MAFA: variants seen among roughly 807,000 people sequenced by gnomAD.
MAFA encodes MAF bZIP transcription factor A, also known as transcription factor MafA.
For missense variants in MAFA, 547 were observed against 538.0 expected (o/e 1.02, Z -0.16); for synonymous variants, 244 against 260.3 (o/e 0.94, Z 0.60).
Position 143,430,482 on chromosome 8 carries a change from C to G in MAFA, c.-76G>C, listed in dbSNP as rs527268579. ...GGGGGAGCTGCAGGCCTCTCCCCCCCCTGCTCCCCGCGGGCGGCGGTCCCG... is the reference window on the plus strand; with the variant it reads ...GGGGGAGCTGCAGGCCTCTCCCCCCGCTGCTCCCCGCGGGCGGCGGTCCCG... On this transcript the variant is annotated 5_prime_UTR_variant, in exon 1 of 1. Transcript: ENST00000333480. The G allele has an allele frequency of 8.1e-5, 32 of 392,892 alleles. No homozygotes were observed. Among genetic ancestry groups the G allele is most frequent in the South Asian group, 6.9e-4 (6 of 8,752 alleles). The allele number at this position is 392,892 out of a possible 1,614,324, so 24.3% of individuals were successfully genotyped here.
Position 143,428,958 on chromosome 8 carries a change from A to C in MAFA, c.*387T>G. On this transcript the variant is annotated 3_prime_UTR_variant, in exon 1 of 1. Coordinates refer to ENST00000333480, the MANE Select transcript of MAFA (RefSeq NM_201589.4). The stretch of plus-strand genomic sequence containing the variant: ...CAAGGAAAGGGAGGCTGAGAAGAGA[A>C]CGAAGGAGGGCGGGGGCAGGCAGGG... 1 of 167,814 alleles carries C rather than the reference A, an allele frequency of 6.0e-6. No homozygotes were observed. Among genetic ancestry groups the C allele is most frequent in the Non-Finnish European group, 1.3e-5 (1 of 79,266 alleles). 10.4% of individuals were successfully genotyped at this position (167,814 alleles called of 1,614,324 possible).
In MAFA at chr8:143,428,501, T is replaced by C. The variant is rs941301021; in HGVS notation, c.*844A>G. ...AGAAATACTGTGCATTACTTTTTTC[T>C]TTCACTTCTCTTGAAGGTTAAAACA... On this transcript the variant is annotated 3_prime_UTR_variant, in exon 1 of 1. Coordinates refer to ENST00000333480, the MANE Select transcript of MAFA (RefSeq NM_201589.4). 1 of 152,260 alleles carries C rather than the reference T, an allele frequency of 6.6e-6. No homozygotes were observed. Among genetic ancestry groups the C allele is most frequent in the African/African-American group, 2.4e-5 (1 of 41,468 alleles). The allele number at this position is 152,260 out of a possible 1,614,324, so 9.4% of individuals were successfully genotyped here.
In MAFA at chr8:143,430,158, G is replaced by T; in HGVS notation, c.249C>A (p.Gly83=). ...CCCCGGCCTGAGACGAGCCGCCGCC[G>T]CCCCCCGCGCCGCCGCCGCCGCCGG... The part of the protein sequence containing the change: ...PGTGGGGGAG[G]GGGSSQAGGA... The change falls in exon 1 of 1, where the codon GGC becomes GGA. Residue 83 remains glycine, a synonymous_variant. Coordinates refer to ENST00000333480, the MANE Select transcript of MAFA (RefSeq NM_201589.4). 1 of 1,101,546 alleles carries T rather than the reference G, an allele frequency of 9.1e-7. No homozygotes were observed. Among genetic ancestry groups the T allele is most frequent in the Non-Finnish European group, 1.1e-6 (1 of 908,748 alleles). The allele number at this position is 1,101,546 out of a possible 1,614,324, so 68.2% of individuals were successfully genotyped here.
rs1229181863 is a variant in MAFA at position 143,429,367 on chromosome 8, C to T, written c.1040G>A (p.Gly347Asp). ...PPQAGPGGAK[G>D]TADFFL is the part of the protein sequence containing the mutation. ...CGCCTACAGGAAGAAGTCGGCCGTGCCCTTGGCCCCGCCGGGACCGGCCTG... is the reference window on the plus strand; with the variant it reads ...CGCCTACAGGAAGAAGTCGGCCGTGTCCTTGGCCCCGCCGGGACCGGCCTG... Residue 347 changes from glycine to aspartate, a missense_variant, in exon 1 of 1, where the codon GGC becomes GAC. Transcript: ENST00000333480. The surrounding 1 kb of genome is among the most constrained non-coding windows in gnomAD (Gnocchi z 5.9). 1.4e-6 allele frequency: 2 copies of T among 1,397,478 alleles called. No homozygotes were observed. Among genetic ancestry groups the T allele is most frequent in the Non-Finnish European group, 1.8e-6 (2 of 1,086,590 alleles). The allele number at this position is 1,397,478 out of a possible 1,614,324, so 86.6% of individuals were successfully genotyped here.
At position 143,429,782 on chromosome 8, in the gene MAFA, CATGGTG is replaced by C. The variant is rs1563824907; in HGVS notation, c.619_624del (p.His207_His208del). The stretch of plus-strand genomic sequence containing the variant: ...GCGCCACCGCCGTGTCCCGCGCCGC[CATGGTG>C]GTGGTGGTGGTGGTGGTGGTGGTGG... On this transcript the variant is annotated inframe_deletion, in exon 1 of 1. Transcript: ENST00000333480. The surrounding 1 kb of genome is among the most constrained non-coding windows in gnomAD (Gnocchi z 5.9). 8.4e-6 allele frequency: 12 copies of C among 1,430,380 alleles called. No homozygotes were observed. Among genetic ancestry groups the C allele is most frequent in the Non-Finnish European group, 1.0e-5 (11 of 1,099,156 alleles). The allele number at this position is 1,430,380 out of a possible 1,614,324, so 88.6% of individuals were successfully genotyped here. A position where few individuals can be genotyped will look rare whatever the true frequency, so the allele number is the denominator to read the frequency against.
Position 143,429,473 on chromosome 8 carries a change from C to T in MAFA, c.934G>A (p.Glu312Lys). 1 of 1,601,734 alleles carries T rather than the reference C, an allele frequency of 6.2e-7. No homozygotes were observed. Among genetic ancestry groups the T allele is most frequent in the Non-Finnish European group, 8.5e-7 (1 of 1,178,662 alleles). The change falls in exon 1 of 1, where the codon GAG becomes AAG. Residue 312 changes from glutamate to lysine, a missense_variant. Physicochemically the swap from Glu to Lys is moderately conservative, Grantham distance 56. Transcript: ENST00000333480. This position sits in a 1 kb window ranked among gnomAD's most constrained non-coding sequence, Gnocchi z 5.9. ...CGGCCCGCCAGCTTCTCGTATTTCT[C>T]CTTGTACAGGTCCCGCTCTTTGGCC... ...RLAKERDLYK[E>K]KYEKLAGRGG...
Position 143,428,874 on chromosome 8 carries a change from A to G in MAFA, c.*471T>C, listed in dbSNP as rs963491776. 7.2e-5 allele frequency: 11 copies of G among 152,538 alleles called. No homozygotes were observed. The highest frequency in any genetic ancestry group is 2.7e-4 in the African/African-American group (11 of 41,430). 9.4% of individuals were successfully genotyped at this position (152,538 alleles called of 1,614,324 possible). On this transcript the variant is annotated 3_prime_UTR_variant, in exon 1 of 1. Coordinates refer to ENST00000333480, the MANE Select transcript of MAFA (RefSeq NM_201589.4). ...TCTTTTCTAATCACCAAGCATAATAATTATAAATACTTCGAAAATAAGACC... is the reference window on the plus strand; with the variant it reads ...TCTTTTCTAATCACCAAGCATAATAGTTATAAATACTTCGAAAATAAGACC...
rs544512339 is a variant in MAFA at position 143,430,302 on chromosome 8, A to G, written c.105T>C (p.Pro35=). The change falls in exon 1 of 1, where the codon CCT becomes CCC. Residue 35 remains proline, a synonymous_variant. Coordinates refer to ENST00000333480, the MANE Select transcript of MAFA (RefSeq NM_201589.4). ...DLMKFEVKKE[P]PEAERFCHRL... ...GGTGGCAGAAGCGCTCGGCCTCGGGAGGCTCCTTCTTCACCTCGAACTTCA... is the reference window on the plus strand; with the variant it reads ...GGTGGCAGAAGCGCTCGGCCTCGGGGGGCTCCTTCTTCACCTCGAACTTCA... The G allele has an allele frequency of 1.4e-6, 2 of 1,447,716 alleles. No homozygotes were observed. The highest frequency in any genetic ancestry group is 1.2e-5 in the South Asian group (1 of 80,974). 89.7% of individuals were successfully genotyped at this position (1,447,716 alleles called of 1,614,324 possible).
rs139769401 is a variant in MAFA, at chr8:143,428,190, C to T, written c.*1155G>A. ...CAACGAGTCGGCGCGCCTTCCACTC[C>T]GAGTGCTCAGGGGAGGGGTGTGGAG... is the stretch of plus-strand genomic sequence containing the variant. On this transcript the variant is annotated 3_prime_UTR_variant, in exon 1 of 1. Coordinates refer to ENST00000333480, the MANE Select transcript of MAFA (RefSeq NM_201589.4). 23 of 152,318 alleles carry T rather than the reference C, an allele frequency of 1.5e-4. No individual in the cohort carries two copies. Among genetic ancestry groups the T allele is most frequent in the African/African-American group, 5.1e-4 (21 of 41,570 alleles). The allele number at this position is 152,318 out of a possible 1,614,324, so 9.4% of individuals were successfully genotyped here. A position where few individuals can be genotyped will look rare whatever the true frequency, so the allele number is the denominator to read the frequency against.
Position 143,429,938 on chromosome 8 carries a change from G to GGTGGTGCGCGCC in MAFA, c.457_468dup (p.Gly153_His156dup), listed in dbSNP as rs537082716. The GGTGGTGCGCGCC allele has an allele frequency of 9.5e-6, 12 of 1,261,608 alleles. No individual in the cohort carries two copies. The highest frequency in any genetic ancestry group is 3.4e-5 in the East Asian group (1 of 29,208). The allele number at this position is 1,261,608 out of a possible 1,614,324, so 78.2% of individuals were successfully genotyped here. ...GCCTCGTAGGCTGCGGCGGCCGCCG[G>GGTGGTGCGCGCC]GTGGTGCGCGCCGTGGTGCGCGCCG... is the stretch of plus-strand genomic sequence containing the variant. On this transcript the variant is annotated inframe_insertion, in exon 1 of 1. Transcript: ENST00000333480. This position sits in a 1 kb window ranked among gnomAD's most constrained non-coding sequence, Gnocchi z 5.9.
In MAFA at chr8:143,430,038, C is replaced by G; in HGVS notation, c.369G>C (p.Gln123His). The change falls in exon 1 of 1, where the codon CAG becomes CAC. Residue 123 changes from glutamine (Q) to histidine (H), a missense_variant. Coordinates refer to ENST00000333480, the MANE Select transcript of MAFA (RefSeq NM_201589.4). Reference sequence around the variant, plus strand: ...TGAGCGCCTCGGGGTTGAGGTGATGCTGGTAGCCGCTCATCCAGTACAGAT... The same window carrying G: ...TGAGCGCCTCGGGGTTGAGGTGATGGTGGTAGCCGCTCATCCAGTACAGAT... Reference protein sequence around the residue: ...LEDLYWMSGYQHHLNPEALNL... With the variant: ...LEDLYWMSGYHHHLNPEALNL... 2.2e-6 allele frequency: 3 copies of G among 1,365,826 alleles called. No individual in the cohort carries two copies. Among genetic ancestry groups the G allele is most frequent in the Non-Finnish European group, 9.5e-7 (1 of 1,048,874 alleles). 84.6% of individuals were successfully genotyped at this position (1,365,826 alleles called of 1,614,324 possible). A position where few individuals can be genotyped will look rare whatever the true frequency, so the allele number is the denominator to read the frequency against.
Position 143,429,802 on chromosome 8 carries a change from TGG to T in MAFA, c.603_604del (p.His201GlnfsTer235). On this transcript the variant is annotated frameshift_variant, in exon 1 of 1. Transcript: ENST00000333480. LOFTEE classifies it low-confidence loss of function (END_TRUNC). This position sits in a 1 kb window ranked among gnomAD's most constrained non-coding sequence, Gnocchi z 5.9. ...GCCGCCATGGTGGTGGTGGTGGTGG[TGG>T]TGGTGGTGGGCGGCGTGGTGATGGT... 4.7e-6 allele frequency: 7 copies of T among 1,491,762 alleles called. No homozygotes were observed. Among genetic ancestry groups the T allele is most frequent in the Non-Finnish European group, 5.4e-6 (6 of 1,120,774 alleles). 92.4% of individuals were successfully genotyped at this position (1,491,762 alleles called of 1,614,324 possible). A position where few individuals can be genotyped will look rare whatever the true frequency, so the allele number is the denominator to read the frequency against.
In MAFA at chr8:143,430,499, G is replaced by A; in HGVS notation, c.-93C>T. 3.3e-5 allele frequency: 10 copies of A among 300,094 alleles called. No individual in the cohort carries two copies. The highest frequency in any genetic ancestry group is 4.9e-5 in the Non-Finnish European group (10 of 205,742). The allele number at this position is 300,094 out of a possible 1,614,324, so 18.6% of individuals were successfully genotyped here. ...CTCCCCCCCCTGCTCCCCGCGGGCGGCGGTCCCGGCGGGGGCGGGGGGGCG... is the reference window on the plus strand; with the variant it reads ...CTCCCCCCCCTGCTCCCCGCGGGCGACGGTCCCGGCGGGGGCGGGGGGGCG... On this transcript the variant is annotated 5_prime_UTR_variant, in exon 1 of 1. Transcript: ENST00000333480.
Position 143,429,644 on chromosome 8 carries a change from G to T in MAFA, c.763C>A (p.Leu255Ile). 1 of 1,588,920 alleles carries T rather than the reference G, an allele frequency of 6.3e-7. No homozygotes were observed. Among genetic ancestry groups the T allele is most frequent in the Non-Finnish European group, 8.5e-7 (1 of 1,174,238 alleles). Residue 255 changes from leucine to isoleucine, a missense_variant, in exon 1 of 1, where the codon CTC (leucine) becomes ATC (isoleucine). Coordinates refer to ENST00000333480, the MANE Select transcript of MAFA (RefSeq NM_201589.4). The surrounding 1 kb of genome is among the most constrained non-coding windows in gnomAD (Gnocchi z 5.9). ...TTGAGCGTGCGCCGCTTCTGCTTGAGCCGGATGACCTCCTCCTTGCTGAAG... is the reference window on the plus strand; with the variant it reads ...TTGAGCGTGCGCCGCTTCTGCTTGATCCGGATGACCTCCTCCTTGCTGAAG... Reference protein sequence around the residue: ...RGFSKEEVIRLKQKRRTLKNR... With the variant: ...RGFSKEEVIRIKQKRRTLKNR...
At position 143,430,479 on chromosome 8, in the gene MAFA, C is replaced by A. The variant is rs1050362487; in HGVS notation, c.-73G>T. On this transcript the variant is annotated 5_prime_UTR_variant, in exon 1 of 1. Transcript: ENST00000333480. ...GGGGGGGGAGCTGCAGGCCTCTCCC[C>A]CCCCTGCTCCCCGCGGGCGGCGGTC... 13 of 397,348 alleles carry A rather than the reference C, an allele frequency of 3.3e-5. No homozygotes were observed. Among genetic ancestry groups the A allele is most frequent in the South Asian group, 1.1e-4 (1 of 8,860 alleles). 24.6% of individuals were successfully genotyped at this position (397,348 alleles called of 1,614,324 possible).
At position 143,430,317 on chromosome 8, in the gene MAFA, C is replaced by T. The variant is rs1819521322; in HGVS notation, c.90G>A (p.Glu30=). ...YVNDFDLMKF[E]VKKEPPEAER... The stretch of plus-strand genomic sequence containing the variant: ...CGGCCTCGGGAGGCTCCTTCTTCAC[C>T]TCGAACTTCATCAGGTCGAAGTCGT... The change falls in exon 1 of 1, where the codon GAG becomes GAA. Residue 30 remains glutamate, a synonymous_variant. Transcript: ENST00000333480. The T allele has an allele frequency of 2.1e-6, 3 of 1,451,570 alleles. No individual in the cohort carries two copies. Among genetic ancestry groups the T allele is most frequent in the Non-Finnish European group, 9.2e-7 (1 of 1,087,202 alleles). The allele number at this position is 1,451,570 out of a possible 1,614,324, so 89.9% of individuals were successfully genotyped here. A position where few individuals can be genotyped will look rare whatever the true frequency, so the allele number is the denominator to read the frequency against.
chr8:143,430,354 A>G lies in MAFA; in HGVS notation c.53T>C (p.Ile18Thr). The change falls in exon 1 of 1, where the codon ATC becomes ACC. Residue 18 changes from isoleucine (I) to threonine (T), a missense_variant. Transcript: ENST00000333480. ...GAELPSSPLAIEYVNDFDLMK... is the reference protein window; with the variant it reads ...GAELPSSPLATEYVNDFDLMK... ...CAGGTCGAAGTCGTTGACGTACTCG[A>G]TGGCCAGCGGGCTGCTGGGCAGCTC... The G allele has an allele frequency of 7.0e-7, 1 of 1,437,752 alleles. No individual in the cohort carries two copies. Among genetic ancestry groups the G allele is most frequent in the Non-Finnish European group, 9.3e-7 (1 of 1,080,076 alleles). The allele number at this position is 1,437,752 out of a possible 1,614,324, so 89.1% of individuals were successfully genotyped here. A position where few individuals can be genotyped will look rare whatever the true frequency, so the allele number is the denominator to read the frequency against.
rs745465013 is a variant in MAFA at position 143,428,110 on chromosome 8, T to C, written c.*1235A>G. 4.6e-5 allele frequency: 7 copies of C among 152,194 alleles called. No individual in the cohort carries two copies. Among genetic ancestry groups the C allele is most frequent in the Non-Finnish European group, 1.0e-4 (7 of 68,020 alleles). 9.4% of individuals were successfully genotyped at this position (152,194 alleles called of 1,614,324 possible). ...TTGTGTATTTTTTTCTTTTTCTCAG[T>C]TTCGTAGCAAATGAAAAAAGAACTC... On this transcript the variant is annotated 3_prime_UTR_variant, in exon 1 of 1. Transcript: ENST00000333480.
Position 143,430,172 on chromosome 8 carries a change from CG to C in MAFA, c.234del (p.Gly79AlafsTer41). The C allele has an allele frequency of 8.9e-7, 1 of 1,122,778 alleles. No homozygotes were observed. The allele number at this position is 1,122,778 out of a possible 1,614,324, so 69.6% of individuals were successfully genotyped here. ...GAGCCGCCGCCGCCCCCCGCGCCGC[CG>C]CCGCCGCCGGTGCCCGGGCTGGGCG... ...FCAPSPGTGG[G>X]GGAGGGGGSS... On this transcript the variant is annotated frameshift_variant, in exon 1 of 1. Coordinates refer to ENST00000333480, the MANE Select transcript of MAFA (RefSeq NM_201589.4). LOFTEE classifies it low-confidence loss of function (END_TRUNC).
Sources: gnomAD v4.1 joint callset for allele counts on GRCh38, gnomAD v4.1.1 for gene constraint, Gnocchi (gnomAD v3.1) non-coding constraint, MANE v1.5 for transcripts, NCBI Gene and HGNC (gene_info 2026-07-23, HGNC 2026-07-21) for gene names.